Variants in TIAM1 observed in about 807,000 individuals in gnomAD.
The protein encoded by TIAM1 is rho guanine nucleotide exchange factor TIAM1.
A neutral mutation model predicts 163.5 loss-of-function variants in TIAM1; 65 were observed. That is an observed-to-expected ratio of 0.40 (90% CI 0.33 to 0.49). TIAM1 has a LOEUF of 0.49. TIAM1 is among the 20% of genes least tolerant of loss of function. The pLI is 0.77. For missense variants in TIAM1, 1,789 were observed against 2,044.7 expected, an observed-to-expected ratio of 0.87 and a Z score of 2.41; for synonymous variants, 833 against 810.1, an observed-to-expected ratio of 1.03 and a Z score of -0.48.
chr21:31,395,771 A>T lies in TIAM1; in HGVS notation c.-368-56349T>A, dbSNP rs992367274. Among the ~76,000 whole-genome samples the T allele has an allele frequency of 2.6e-5, 4 of 152,156 alleles. No individual in the cohort carries two copies. Among genetic ancestry groups the T allele is most frequent in the African/African-American group, 9.7e-5 (4 of 41,440 alleles). On this transcript the variant is annotated intron_variant, in intron 2 of 28. Transcript: ENST00000286827. This position sits in a 1 kb window ranked among gnomAD's most constrained non-coding sequence, Gnocchi z 7.5. ...ATAAATTGGGGAGGTTATTAAAAGG[A>T]CGTGAGATGCATGGAATTAATGAAC...
intron 14 of TIAM1, among the ~76,000 whole-genome samples, chr21:31,185,492 T>C (rs1002106344): frequency 9.7e-5 from 14 of 144,238 alleles, no homozygotes; most frequent in African/African-American, 3.5e-4. Flanking sequence ...ATTTATATAT[T>C]ATATGCTTAT....
At chr21:31,466,856 T>C (rs1010797992) in intron 1 of TIAM1, among the ~76,000 whole-genome samples, 6 of 152,104 alleles carry the variant, frequency 3.9e-5, no homozygotes, top group African/African-American at 9.7e-5. Context: ...CATAATGCCA[T>C]GTGAGCAATT....
At chr21:31,322,422 T>C (rs2075345141) in intron 2 of TIAM1, among the ~76,000 whole-genome samples, 2 of 139,512 alleles carry the variant, frequency 1.4e-5, no homozygotes, top group African/African-American at 5.3e-5. Context: ...CGTAAATTCA[T>C]GTCCTACTCA....
chr21:31,335,916 TCCA>T (rs1298557603), intron 2 of TIAM1, among the ~76,000 whole-genome samples: 1 of 152,118 alleles, frequency 6.6e-6, no homozygotes, highest in African/African-American at 2.4e-5. Flanking sequence ...CTACCTAGGT[TCCA>T]CCAAGTAGAC....
intron 1 of TIAM1, among the ~76,000 whole-genome samples, chr21:31,513,894 C>A (rs973705849): frequency 1.3e-5 from 2 of 152,118 alleles, no homozygotes; most frequent in African/African-American, 4.8e-5. Flanking sequence ...GTAATCCCAG[C>A]TACTCCGGAG....
chr21:31,501,288 T>C (rs1475030997), intron 1 of TIAM1, among the ~76,000 whole-genome samples: 1 of 152,128 alleles, frequency 6.6e-6, no homozygotes, highest in African/African-American at 2.4e-5. Flanking sequence ...TGCTGCTCAG[T>C]TACAACGGTG....
intron 1 of TIAM1, among the ~76,000 whole-genome samples, chr21:31,534,187 C>T (rs1472713886): frequency 6.6e-6 from 1 of 152,232 alleles, no homozygotes; most frequent in Non-Finnish European, 1.5e-5. Context: ...TGACACTAAG[C>T]ATATTCAAAC....
chr21:31,270,545 G>C (rs2073009904), intron 3 of TIAM1, among the ~76,000 whole-genome samples: 1 of 152,180 alleles, frequency 6.6e-6, no homozygotes. Context: ...CAAGCTTTTA[G>C]CCTAAGAACA....
rs924176360 is a variant in TIAM1, at chr21:31,266,629, C to T, written c.344G>A (p.Ser115Asn). ...CACAGAGGCTGCTGTGAGGACGATG[C>T]TGCTGTCTACGCTGGGAGTGACAGA... is the stretch of plus-strand genomic sequence containing the variant. ...DSSVTPSVDS[S>N]IVLTAASVQS... Residue 115 changes from serine to asparagine, a missense_variant, in exon 4 of 28, where the codon AGC (serine) becomes AAC (asparagine). Around this residue, in one of 5 missense-constraint regions of TIAM1, gnomAD observed 555 missense variants for 564.9 expected, o/e 0.98. Transcript: ENST00000541036. 6.2e-7 allele frequency: 1 copy of T among 1,614,220 alleles called. No individual in the cohort carries two copies.
chr21:31,482,210 G>A (rs1033711401), intron 1 of TIAM1, among the ~76,000 whole-genome samples: 4 of 151,734 alleles, frequency 2.6e-5, no homozygotes, highest in Admixed American at 2.0e-4. Flanking sequence ...GGAGTGCAGC[G>A]GCGCAATCTC....
chr21:31,213,544 G>A, intron 9 of TIAM1, 72 bp from the exon 10 acceptor site: 1 of 1,317,548 alleles, frequency 7.6e-7, no homozygotes, highest in Non-Finnish European at 1.1e-6. Flanking sequence ...GAAGGGGGAA[G>A]GAAATGGGCA....
At chr21:31,348,896 T>C (rs1344145758), upstream of TIAM1, among the ~76,000 whole-genome samples, 1 of 152,208 alleles carries the variant, frequency 6.6e-6, no homozygotes, top group Non-Finnish European at 1.5e-5. Context: ...AGAGACTCTT[T>C]ACATAGTTTT....
At chr21:31,268,085 C>T (rs888696016) in intron 3 of TIAM1, among the ~76,000 whole-genome samples, 3 of 152,068 alleles carry the variant, frequency 2.0e-5, no homozygotes, top group East Asian at 1.9e-4. Context: ...CTTAAGATAA[C>T]GCACATGAAA....
chr21:31,440,941 A>G (rs2044397637), intron 2 of TIAM1, among the ~76,000 whole-genome samples: 1 of 152,136 alleles, frequency 6.6e-6, no homozygotes, highest in Admixed American at 6.5e-5. Flanking sequence ...TGCAAAGGAA[A>G]ACATGCATTT....
rs35524539 is a variant in TIAM1 at position 31,213,866 on chromosome 21, C to CAAAAAAAAA, written c.2143-403_2143-395dup. ...GCAATATAGTTAGACCTCATCTCTA[C>CAAAAAAAAA]AAAAAAAAAAAAAAAAAAAGAATTA... is the stretch of plus-strand genomic sequence containing the variant. On this transcript the variant is annotated intron_variant, in intron 9 of 27. Coordinates refer to ENST00000541036, the MANE Select transcript of TIAM1 (RefSeq NM_001353694.2). Among the ~76,000 whole-genome samples, 316 of 54,828 alleles carry CAAAAAAAAA rather than the reference C, an allele frequency of 5.8e-3. 22 individuals carry two copies. The highest frequency in any genetic ancestry group is 0.019 in the African/African-American group (305 of 16,094). 36.0% of individuals were successfully genotyped at this position (54,828 alleles called of 152,430 possible). A position where few individuals can be genotyped will look rare whatever the true frequency, so the allele number is the denominator to read the frequency against.
At chr21:31,269,159 G>A (rs969086606) in intron 3 of TIAM1, among the ~76,000 whole-genome samples, 2 of 152,206 alleles carry the variant, frequency 1.3e-5, no homozygotes, top group African/African-American at 4.8e-5. Flanking sequence ...TCTGCCAACA[G>A]AAAACTCATC....
intron 2 of TIAM1, among the ~76,000 whole-genome samples, chr21:31,448,385 A>T (rs1353132521): frequency 6.6e-6 from 1 of 152,134 alleles, no homozygotes; most frequent in East Asian, 1.9e-4. Context: ...CGGGCGGATC[A>T]CCTGAGGCCA....
chr21:31,280,030 G>GCACA (rs1341805667), intron 2 of TIAM1, among the ~76,000 whole-genome samples: 2 of 148,100 alleles, frequency 1.4e-5, no homozygotes, highest in East Asian at 3.9e-4. Flanking sequence ...ACACGCGTGC[G>GCACA]CGCACACACA....
intron 1 of TIAM1, among the ~76,000 whole-genome samples, chr21:31,548,447 G>C (rs2048573238): frequency 7.1e-6 from 1 of 140,454 alleles, no homozygotes; most frequent in African/African-American, 2.6e-5. Flanking sequence ...GGCCATCTGT[G>C]TCTTTTAAAT....
Sources: allele counts gnomAD v4.1 joint callset (sites outside exome capture counted in the v4.1 genomes callset), GRCh38; gene constraint gnomAD v4.1.1; regional missense constraint gnomAD v4.1.1; non-coding constraint Gnocchi (gnomAD v3.1); transcripts MANE v1.5; gene names NCBI Gene and HGNC (gene_info 2026-07-23, HGNC 2026-07-21).